DSE: variants seen among roughly 807,000 people sequenced by gnomAD.
DSE encodes the protein dermatan sulfate epimerase.
A neutral mutation model predicts 84.4 loss-of-function variants in DSE; 36 were observed. The observed-to-expected ratio is 0.43, with a 90% CI of 0.33 to 0.56. DSE has a LOEUF of 0.56. Ranked by LOEUF, DSE falls within the 20% of genes least tolerant of loss-of-function variation. DSE has a pLI of 0.06. For missense variants in DSE, 862 were observed against 1,169.6 expected, an observed-to-expected ratio of 0.74 and a Z score of 3.84; for synonymous variants, 410 against 430.1, an observed-to-expected ratio of 0.95 and a Z score of 0.58.
At chr6:116,380,302 T>G (rs565373491) in intron 1 of DSE, among the ~76,000 whole-genome samples, 1 of 152,092 alleles carries the variant, frequency 6.6e-6, no homozygotes, top group Admixed American at 6.6e-5. Context: ...AAAATAAATA[T>G]AACATAGTTT....
chr6:116,434,752 TG>T (rs1342909734), intron 5 of DSE, among the ~76,000 whole-genome samples: 1 of 152,244 alleles, frequency 6.6e-6, no homozygotes, highest in Non-Finnish European at 1.5e-5. Flanking sequence ...TAATTTCTGA[TG>T]TCTTGAAACT....
intron 2 of DSE, among the ~76,000 whole-genome samples, chr6:116,290,002 A>T (rs1025186781): frequency 6.6e-6 from 1 of 152,082 alleles, no homozygotes; most frequent in African/African-American, 2.4e-5. Flanking sequence ...AATGCTTTTC[A>T]TATATTATTT....
Position 116,436,758 on chromosome 6 carries a change from G to A in DSE, c.2290G>A (p.Val764Ile). The change falls in exon 6 of 6, where the codon GTC (valine) becomes ATC (isoleucine). Residue 764 changes from valine to isoleucine, a missense_variant. Physicochemically the swap from Val to Ile is conservative, Grantham distance 29. This residue lies in a region of DSE where 315 missense variants were observed against 348.1 expected (regional missense o/e 0.90). Coordinates refer to ENST00000644252, the MANE Select transcript of DSE (RefSeq NM_013352.4). ...GCTGGAGAAGCAGATACTGTCCCGA[G>A]TCCGGAACACAGCTAGCTTTAGGAA... is the stretch of plus-strand genomic sequence containing the variant. ...QLLEKQILSR[V>I]RNTASFRKTA... 2.5e-6 allele frequency: 4 copies of A among 1,614,132 alleles called. No individual in the cohort carries two copies. The highest frequency in any genetic ancestry group is 3.4e-6 in the Non-Finnish European group (4 of 1,180,018).
rs56696040 is a variant in DSE at position 116,429,951 on chromosome 6, C to CAAA, written c.671-986_671-984dup. On this transcript the variant is annotated intron_variant, in intron 3 of 5. Transcript: ENST00000644252. The stretch of plus-strand genomic sequence containing the variant: ...TGGGCCACAGAGCGAGACTCCGTCT[C>CAAA]AAAAAAAAAAAAAAAAAAAGAAATA... 4.7e-3 allele frequency among the ~76,000 whole-genome samples: 73 copies of CAAA among 15,434 alleles called. 17 individuals carry two copies. Among genetic ancestry groups the CAAA allele is most frequent in the African/African-American group, 0.021 (63 of 2,944 alleles). 10.1% of individuals were successfully genotyped at this position (15,434 alleles called of 152,430 possible).
intron 2 of DSE, among the ~76,000 whole-genome samples, chr6:116,410,797 T>C (rs1782300531): frequency 6.8e-6 from 1 of 146,356 alleles, no homozygotes; most frequent in Non-Finnish European, 1.5e-5. Flanking sequence ...TGGGAGTAGA[T>C]TGCCAATGTC....
chr6:116,411,901 G>T (rs906930852), intron 2 of DSE, among the ~76,000 whole-genome samples: 1 of 152,190 alleles, frequency 6.6e-6, no homozygotes, highest in Non-Finnish European at 1.5e-5. Context: ...TTTCAGTATA[G>T]CAGTAACTCT....
At chr6:116,382,268 G>A (rs946992741) in intron 1 of DSE, among the ~76,000 whole-genome samples, 1 of 152,116 alleles carries the variant, frequency 6.6e-6, no homozygotes, top group Non-Finnish European at 1.5e-5. Context: ...CAGACTGTAA[G>A]TCAGATATTT....
chr6:116,322,841 A>G (rs1776408378), intron 2 of DSE, among the ~76,000 whole-genome samples: 1 of 152,174 alleles, frequency 6.6e-6, no homozygotes, highest in Admixed American at 6.6e-5. Context: ...GTGGCAGGGT[A>G]GAAGAGACTG....
chr6:116,279,670 G>A, intron 2 of DSE: 1 of 1,608,246 alleles, frequency 6.2e-7, no homozygotes. Context: ...GACGGTCTCC[G>A]AGCCTCCCTC....
At chr6:116,389,805 A>G (rs1443959463) in intron 1 of DSE, among the ~76,000 whole-genome samples, 3 of 152,146 alleles carry the variant, frequency 2.0e-5, no homozygotes, top group African/African-American at 4.8e-5. Flanking sequence ...ATTACAGAAA[A>G]TCTTTTACTC....
chr6:116,345,395 G>C (rs141128541), intron 2 of DSE, among the ~76,000 whole-genome samples: 2,977 of 152,254 alleles, frequency 0.02, 92 homozygotes, highest in African/African-American at 0.066. Flanking sequence ...AAATGTAAAA[G>C]AACGGAAATT....
At chr6:116,422,439 A>G (rs1473417434) in intron 2 of DSE, among the ~76,000 whole-genome samples, 1 of 152,260 alleles carries the variant, frequency 6.6e-6, no homozygotes, top group African/African-American at 2.4e-5. Context: ...TGAGATAACT[A>G]TAATTTGTCA....
intron 1 of DSE, among the ~76,000 whole-genome samples, chr6:116,390,153 T>C (rs1309040697): frequency 6.6e-6 from 1 of 152,026 alleles, no homozygotes; most frequent in African/African-American, 2.4e-5. Flanking sequence ...CTGCAACTTC[T>C]GCCACCCAGC....
chr6:116,329,038 TA>T, intron 2 of DSE, among the ~76,000 whole-genome samples: 1 of 152,130 alleles, frequency 6.6e-6, no homozygotes, highest in East Asian at 1.9e-4. Context: ...CTTTGAAAAA[TA>T]AAAAAACTTT....
intron 2 of DSE, among the ~76,000 whole-genome samples, chr6:116,273,589 T>A (rs151233470): frequency 4.1e-4 from 63 of 152,268 alleles, no homozygotes; most frequent in Non-Finnish European, 1.5e-4. Flanking sequence ...GATGGTCAAC[T>A]CCTCTCAGCC....
intron 2 of DSE, among the ~76,000 whole-genome samples, chr6:116,423,310 T>A (rs1783212955): frequency 6.6e-6 from 1 of 152,228 alleles, no homozygotes; most frequent in Non-Finnish European, 1.5e-5. Flanking sequence ...ATAGTGTGAT[T>A]GAGATTTGTA....
At chr6:116,282,542 C>G (rs545663841) in intron 2 of DSE, among the ~76,000 whole-genome samples, 3 of 152,252 alleles carry the variant, frequency 2.0e-5, no homozygotes, top group African/African-American at 7.2e-5. Context: ...CCCCAAATAA[C>G]GTTGAGACTC....
At chr6:116,344,829 C>T (rs947128025) in intron 2 of DSE, among the ~76,000 whole-genome samples, 1 of 152,108 alleles carries the variant, frequency 6.6e-6, no homozygotes, top group Non-Finnish European at 1.5e-5. Context: ...CACAGACCGG[C>T]AAATTGGATA....
chr6:116,432,683 G>C (rs1209422489), intron 4 of DSE: 1 of 146,016 alleles, frequency 6.8e-6, no homozygotes, highest in Non-Finnish European at 1.5e-5. Flanking sequence ...TTTCTATCTT[G>C]CTGCTTCTTT....
Sources: allele counts gnomAD v4.1 joint callset (sites outside exome capture counted in the v4.1 genomes callset), GRCh38; gene constraint gnomAD v4.1.1; regional missense constraint gnomAD v4.1.1; transcripts MANE v1.5; gene names NCBI Gene and HGNC (gene_info 2026-07-23, HGNC 2026-07-21).